ANKRD23: variants seen among roughly 807,000 people sequenced by gnomAD.
The protein encoded by ANKRD23 is ankyrin repeat domain-containing protein 23.
In ANKRD23, 52 loss-of-function variants were observed where a neutral mutation model predicts 38.1. The observed-to-expected ratio is 1.36, with a 90% confidence interval of 1.09 to 1.72. The LOEUF (loss-of-function observed/expected upper bound fraction) is 1.72, where lower values mean the gene tolerates loss of function less well. Ranked by LOEUF, ANKRD23 falls within the 40% of genes most tolerant of loss-of-function variation. The pLI is 0.00. For missense variants in ANKRD23, 416 were observed against 400.2 expected (o/e 1.04, Z -0.34); for synonymous variants, 167 against 162.9 (o/e 1.03, Z -0.19).
Position 96,838,691 on chromosome 2 carries a change from A to G in ANKRD23, c.*858T>C, listed in dbSNP as rs895509193. The G allele has an allele frequency of 6.1e-6, 6 of 985,522 alleles. No individual in the cohort carries two copies. The highest frequency in any genetic ancestry group is 7.2e-6 in the Non-Finnish European group (6 of 830,096). The allele number at this position is 985,522 out of a possible 1,614,324, so 61.0% of individuals were successfully genotyped here. On this transcript the variant is annotated 3_prime_UTR_variant, in exon 9 of 9. Coordinates refer to ENST00000318357, the MANE Select transcript of ANKRD23 (RefSeq NM_144994.8). Reference sequence around the variant, plus strand: ...CACTGCCCCAAGAGTTGAGTGGGCCACAAGCAATCCCCAGTGCCCAGGCGC... The same window carrying G: ...CACTGCCCCAAGAGTTGAGTGGGCCGCAAGCAATCCCCAGTGCCCAGGCGC...
rs779606396 is a variant in ANKRD23, at chr2:96,840,389, AG to A, written c.525+26del. On this transcript the variant is annotated intron_variant, in intron 5 of 8. Transcript: ENST00000318357. ...TGGGATGTGAAGCTGGGCGTCGACC[AG>A]AGGCTGGGCCTTTCCCCATCCTCAC... 16 of 1,613,106 alleles carry A rather than the reference AG, an allele frequency of 9.9e-6. No individual in the cohort carries two copies. In the South Asian group the frequency reaches 1.8e-4, roughly 18 times the overall value.
Position 96,839,460 on chromosome 2 carries a change from G to T in ANKRD23, c.*89C>A, listed in dbSNP as rs2079731527. 3 of 1,378,224 alleles carry T rather than the reference G, an allele frequency of 2.2e-6. No homozygotes were observed. Among genetic ancestry groups the T allele is most frequent in the Non-Finnish European group, 2.8e-6 (3 of 1,071,790 alleles). The allele number at this position is 1,378,224 out of a possible 1,614,324, so 85.4% of individuals were successfully genotyped here. A position where few individuals can be genotyped will look rare whatever the true frequency, so the allele number is the denominator to read the frequency against. ...CAGAGAGGGAGGAACCAGGGCTGAG[G>T]GCAGGAACCACAGAGGTGCAGACGC... On this transcript the variant is annotated 3_prime_UTR_variant, in exon 9 of 9. Transcript: ENST00000318357.
intron 1 of ANKRD23, 57 bp from the exon 2 acceptor site, chr2:96,842,568 C>G (rs2079773879): frequency 6.4e-7 from 1 of 1,566,650 alleles, no homozygotes; most frequent in Non-Finnish European, 8.6e-7. Flanking sequence ...CCTTAGAAAA[C>G]AGAGCTGTGG....
At chr2:96,841,792 G>C (rs2079764871) in intron 3 of ANKRD23, among the ~76,000 whole-genome samples, 1 of 152,130 alleles carries the variant, frequency 6.6e-6, no homozygotes, top group Non-Finnish European at 1.5e-5. Flanking sequence ...CCCTCAGAGG[G>C]AACCAGCCTC....
Position 96,844,008 on chromosome 2 carries a change from T to TCA in ANKRD23, c.-18_-17dup. 6.3e-7 allele frequency: 1 copy of TCA among 1,595,222 alleles called. No individual in the cohort carries two copies. The highest frequency in any genetic ancestry group is 8.5e-7 in the Non-Finnish European group (1 of 1,171,200). ...TGAAGTCCATGGTCCCCCCTGTTCC[T>TCA]CACACCCCCCAGTGAGAAGAGCTGA... On this transcript the variant is annotated 5_prime_UTR_variant, in exon 1 of 9. Transcript: ENST00000318357.
In ANKRD23 at chr2:96,840,966, G is replaced by T. The variant is rs1407338582; in HGVS notation, c.301-54C>A. On this transcript the variant is annotated intron_variant, in intron 3 of 8. Transcript: ENST00000318357. Reference sequence around the variant, plus strand: ...ACTCCCGAAGGCCGCAGGTGCCCAAGATGTCACAGCTTCACCAGTCTGGCC... The same window carrying T: ...ACTCCCGAAGGCCGCAGGTGCCCAATATGTCACAGCTTCACCAGTCTGGCC... 1.9e-6 allele frequency: 3 copies of T among 1,597,834 alleles called. No individual in the cohort carries two copies. In the African/African-American group the frequency reaches 4.0e-5, roughly 21 times the overall value.
rs540196862 is a variant in ANKRD23, at chr2:96,838,959, C to T, written c.*590G>A. The T allele has an allele frequency of 2.3e-5, 23 of 985,686 alleles. No individual in the cohort carries two copies. Among genetic ancestry groups the T allele is most frequent in the South Asian group, 1.9e-4 (4 of 21,294 alleles). 61.1% of individuals were successfully genotyped at this position (985,686 alleles called of 1,614,324 possible). A position where few individuals can be genotyped will look rare whatever the true frequency, so the allele number is the denominator to read the frequency against. On this transcript the variant is annotated 3_prime_UTR_variant, in exon 9 of 9. Transcript: ENST00000318357. ...TGACCAAAGTTGTCTAGAGCCGCTC[C>T]GGACACTGCCAGGGTTGCTACTGAC...
chr2:96,840,081 G>C lies in ANKRD23; in HGVS notation c.639C>G (p.Pro213=). 1 of 1,558,516 alleles carries C rather than the reference G, an allele frequency of 6.4e-7. No homozygotes were observed. The highest frequency in any genetic ancestry group is 8.7e-7 in the Non-Finnish European group (1 of 1,150,620). ...GCCGGGTGCGCACTGCCACGTGCAGGGGGGTGCTCCCGATCTGAGAGCAAG... is the reference window on the plus strand; with the variant it reads ...GCCGGGTGCGCACTGCCACGTGCAGCGGGGTGCTCCCGATCTGAGAGCAAG... ...VNARDKIGST[P]LHVAVRTRHP... is the part of the protein sequence containing the mutation. Residue 213 remains proline (P), a synonymous_variant, in exon 7 of 9, where the codon CCC becomes CCG. Coordinates refer to ENST00000318357, the MANE Select transcript of ANKRD23 (RefSeq NM_144994.8).
chr2:96,839,860 C>T (rs533182462), intron 7 of ANKRD23, 35 bp from the exon 8 acceptor site: 6 of 1,591,140 alleles, frequency 3.8e-6, no homozygotes, highest in South Asian at 2.3e-5. Context: ...CTTCTGCCTC[C>T]GCGTGCTGCC....
At chr2:96,841,940 A>G in intron 3 of ANKRD23, 120 bp downstream of exon 3, 1 of 1,450,710 alleles carries the variant, frequency 6.9e-7, no homozygotes, top group South Asian at 1.3e-5. Flanking sequence ...AGTGGATTTA[A>G]TGGGCTCCCC....
Position 96,839,257 on chromosome 2 carries a change from TC to T in ANKRD23, c.*291del. On this transcript the variant is annotated 3_prime_UTR_variant, in exon 9 of 9. Transcript: ENST00000318357. ...TAAGGCTCGTTCTTGGCCCTCACTCTCCTCCCCTTCCTGGCCCTCATCTGGA... is the reference window on the plus strand; with the variant it reads ...TAAGGCTCGTTCTTGGCCCTCACTCTCTCCCCTTCCTGGCCCTCATCTGGA... The T allele has an allele frequency of 8.5e-7, 1 of 1,170,038 alleles. No individual in the cohort carries two copies. The allele number at this position is 1,170,038 out of a possible 1,614,324, so 72.5% of individuals were successfully genotyped here. A position where few individuals can be genotyped will look rare whatever the true frequency, so the allele number is the denominator to read the frequency against.
Position 96,840,278 on chromosome 2 carries a change from A to C in ANKRD23, c.578T>G (p.Leu193Arg). The change falls in exon 6 of 9, where the codon CTC becomes CGC. Residue 193 changes from leucine to arginine, a missense_variant. Coordinates refer to ENST00000318357, the MANE Select transcript of ANKRD23 (RefSeq NM_144994.8). ...WACRGGHLVILKQLLNQGARV... is the reference protein window; with the variant it reads ...WACRGGHLVIRKQLLNQGARV... ...GGCTCCCTGGTTAAGCAGCTGTTTG[A>C]GGATGACCAGATGTCCTCCGCGGCA... The C allele has an allele frequency of 1.2e-6, 2 of 1,611,330 alleles. No homozygotes were observed. Among genetic ancestry groups the C allele is most frequent in the Non-Finnish European group, 1.7e-6 (2 of 1,178,634 alleles).
At chr2:96,843,475 A>G (rs1052279188) in intron 1 of ANKRD23, among the ~76,000 whole-genome samples, 1 of 152,172 alleles carries the variant, frequency 6.6e-6, no homozygotes, top group Non-Finnish European at 1.5e-5. Context: ...AACAACTATC[A>G]TGGTGCTTAA....
chr2:96,843,012 A>T (rs1326222237), intron 1 of ANKRD23, among the ~76,000 whole-genome samples: 1 of 152,180 alleles, frequency 6.6e-6, no homozygotes, highest in African/African-American at 2.4e-5. Context: ...TCAAACACTT[A>T]AGGCAATTGC....
Position 96,839,310 on chromosome 2 carries a change from C to T in ANKRD23, c.*239G>A. 8.1e-7 allele frequency: 1 copy of T among 1,237,788 alleles called. No homozygotes were observed. The highest frequency in any genetic ancestry group is 1.0e-6 in the Non-Finnish European group (1 of 991,908). The allele number at this position is 1,237,788 out of a possible 1,614,324, so 76.7% of individuals were successfully genotyped here. On this transcript the variant is annotated 3_prime_UTR_variant, in exon 9 of 9. Transcript: ENST00000318357. ...CCGCGCTTTCTGCTGCCTTGTGGTC[C>T]TCTGCTCCAGCCCTGGGAGGGAACG...
At chr2:96,841,976 T>A in intron 3 of ANKRD23, 84 bp downstream of exon 3, 1 of 1,584,952 alleles carries the variant, frequency 6.3e-7, no homozygotes, top group Non-Finnish European at 8.6e-7. Context: ...GGTCCTGGCC[T>A]GCAGTGCCCA....
rs1212230182 is a variant in ANKRD23, at chr2:96,839,529, G to T, written c.*20C>A. Reference sequence around the variant, plus strand: ...GGAATGGTGGCAGTGCGAAAGGCGCGGCGGGGGGCGGTGCTGCGGTCAGCA... The same window carrying T: ...GGAATGGTGGCAGTGCGAAAGGCGCTGCGGGGGGCGGTGCTGCGGTCAGCA... On this transcript the variant is annotated 3_prime_UTR_variant, in exon 9 of 9. Coordinates refer to ENST00000318357, the MANE Select transcript of ANKRD23 (RefSeq NM_144994.8). 6 of 1,427,678 alleles carry T rather than the reference G, an allele frequency of 4.2e-6. No homozygotes were observed. The highest frequency in any genetic ancestry group is 4.6e-6 in the Non-Finnish European group (5 of 1,095,714). 88.4% of individuals were successfully genotyped at this position (1,427,678 alleles called of 1,614,324 possible).
At chr2:96,840,705 C>T (rs976767867) in intron 4 of ANKRD23, 82 bp downstream of exon 4, 70 of 1,588,028 alleles carry the variant, frequency 4.4e-5, no homozygotes, top group Non-Finnish European at 5.8e-5. Context: ...CCTGCAGCCT[C>T]CTAGGCCAGG....
Position 96,840,533 on chromosome 2 carries a change from G to T in ANKRD23, c.427-19C>A, listed in dbSNP as rs936945234. On this transcript the variant is annotated intron_variant, in intron 4 of 8. Coordinates refer to ENST00000318357, the MANE Select transcript of ANKRD23 (RefSeq NM_144994.8). The stretch of plus-strand genomic sequence containing the variant: ...GGTGGAGCTGAGGGCAGAGATGGAA[G>T]ATTAGGCAGAGGGAGTGCAGCCACC... 3.7e-6 allele frequency: 6 copies of T among 1,612,560 alleles called. No individual in the cohort carries two copies. The highest frequency in any genetic ancestry group is 3.3e-5 in the Admixed American group (2 of 59,920).
Sources: allele counts gnomAD v4.1 joint callset (sites outside exome capture counted in the v4.1 genomes callset), GRCh38; gene constraint gnomAD v4.1.1; transcripts MANE v1.5; gene names NCBI Gene and HGNC (gene_info 2026-07-23, HGNC 2026-07-21).